The following TTC28 variants were observed in gnomAD, a reference collection of about 807,000 sequenced individuals.
The protein encoded by TTC28 is tetratricopeptide repeat protein 28.
TTC28 carries 61 observed loss-of-function variants against 198.0 expected under a neutral mutation model. That is an observed-to-expected ratio of 0.31 (90% confidence interval 0.25 to 0.38). The LOEUF (loss-of-function observed/expected upper bound fraction) is 0.38, where lower values mean the gene tolerates loss of function less well. Among genes scored for constraint, TTC28 ranks in the 10% least tolerant of loss-of-function variants. TTC28 has a pLI of 1.00. For missense variants in TTC28, 2,678 were observed against 3,164.0 expected, an observed-to-expected ratio of 0.85 and a Z score of 3.69; for synonymous variants, 1,171 against 1,297.8, an observed-to-expected ratio of 0.90 and a Z score of 2.10.
At chr22:28,557,141 C>CA (rs1277346904) in intron 2 of TTC28, among the ~76,000 whole-genome samples, 1 of 152,202 alleles carries the variant, frequency 6.6e-6, no homozygotes, top group African/African-American at 2.4e-5. Context: ...ACAGTATCTT[C>CA]AGGTGTGGGT....
intron 2 of TTC28, chr22:28,629,329 C>T (rs1191674803): frequency 7.8e-6 from 4 of 514,110 alleles, no homozygotes; most frequent in Non-Finnish European, 1.3e-5. Flanking sequence ...AAATCTCACA[C>T]ATACAGGAAA....
chr22:28,654,665 C>T (rs2051616155), intron 1 of TTC28, among the ~76,000 whole-genome samples: 1 of 152,160 alleles, frequency 6.6e-6, no homozygotes, highest in Admixed American at 6.6e-5. Flanking sequence ...CTTTCTTTCC[C>T]TTCCCTCACT....
intron 5 of TTC28, among the ~76,000 whole-genome samples, chr22:28,172,537 T>G (rs1199558168): frequency 6.6e-6 from 1 of 152,210 alleles, no homozygotes; most frequent in East Asian, 1.9e-4. Flanking sequence ...GGTTCTTCAT[T>G]TCTCTAAATG....
chr22:28,299,352 T>G (rs568416783), intron 3 of TTC28, among the ~76,000 whole-genome samples: 1 of 152,314 alleles, frequency 6.6e-6, no homozygotes, highest in Admixed American at 6.5e-5. Flanking sequence ...ATCTAAAGTC[T>G]CCACTAAAAA....
chr22:28,678,700 A>C (rs1033495721), intron 1 of TTC28, among the ~76,000 whole-genome samples: 1 of 151,896 alleles, frequency 6.6e-6, no homozygotes, highest in Non-Finnish European at 1.5e-5. Context: ...CCTATGCTGC[A>C]CTCTCCCTAA....
intron 2 of TTC28, among the ~76,000 whole-genome samples, chr22:28,412,009 C>T (rs2047089114): frequency 2.0e-5 from 3 of 152,184 alleles, no homozygotes; most frequent in African/African-American, 7.2e-5. Flanking sequence ...ATACTATGGT[C>T]ACTAGAAGTA....
intron 2 of TTC28, among the ~76,000 whole-genome samples, chr22:28,374,150 G>A (rs2046376557): frequency 6.6e-6 from 1 of 152,186 alleles, no homozygotes; most frequent in South Asian, 2.1e-4. Flanking sequence ...AGAAAATGCA[G>A]TAAATTTACC....
chr22:28,576,571 C>T (rs1430111699), intron 2 of TTC28, among the ~76,000 whole-genome samples: 1 of 152,074 alleles, frequency 6.6e-6, no homozygotes, highest in Non-Finnish European at 1.5e-5. Context: ...ATTAGTTCTT[C>T]TTTAAATGCT....
chr22:28,670,519 T>C (rs1300203534), intron 1 of TTC28, among the ~76,000 whole-genome samples: 1 of 152,134 alleles, frequency 6.6e-6, no homozygotes, highest in Admixed American at 6.6e-5. Flanking sequence ...TACTTCTTCC[T>C]TTTATGGCAG....
intron 2 of TTC28, among the ~76,000 whole-genome samples, chr22:28,570,823 G>C (rs1159566969): frequency 6.6e-6 from 1 of 152,186 alleles, no homozygotes; most frequent in African/African-American, 2.4e-5. Context: ...TAAAAAAGTT[G>C]AGCCTTGTTG....
At chr22:28,448,494 G>T (rs1260971462) in intron 2 of TTC28, among the ~76,000 whole-genome samples, 3 of 151,982 alleles carry the variant, frequency 2.0e-5, no homozygotes, top group Non-Finnish European at 2.9e-5. Flanking sequence ...TTCAAAATTT[G>T]TTCAAAAATT....
At chr22:28,334,981 GT>G (rs1281421712) in intron 2 of TTC28, among the ~76,000 whole-genome samples, 1 of 152,088 alleles carries the variant, frequency 6.6e-6, no homozygotes, top group Non-Finnish European at 1.5e-5. Flanking sequence ...GGTTTTTATG[GT>G]TTTAGGTCTA....
At chr22:28,080,531 TTTG>T (rs144270652) in intron 12 of TTC28, among the ~76,000 whole-genome samples, 30 of 152,004 alleles carry the variant, frequency 2.0e-4, no homozygotes, top group African/African-American at 5.5e-4. Flanking sequence ...TAAATTGGAT[TTTG>T]TTGTTGTTGT....
intron 2 of TTC28, among the ~76,000 whole-genome samples, chr22:28,451,120 G>T (rs1403227015): frequency 6.6e-6 from 1 of 152,180 alleles, no homozygotes; most frequent in African/African-American, 2.4e-5. Context: ...ACACTAAGTT[G>T]CCAAAATATG....
At chr22:28,016,163 C>T (rs1388477254) in intron 13 of TTC28, among the ~76,000 whole-genome samples, 1 of 152,140 alleles carries the variant, frequency 6.6e-6, no homozygotes, top group African/African-American at 2.4e-5. Flanking sequence ...AGCCCACTCA[C>T]ATCCGCTCCC....
chr22:28,062,660 T>A (rs1288109937), intron 12 of TTC28, among the ~76,000 whole-genome samples: 1 of 152,088 alleles, frequency 6.6e-6, no homozygotes, highest in Admixed American at 6.6e-5. Context: ...TATTGATCTA[T>A]AAGTTCATTG....
intron 5 of TTC28, among the ~76,000 whole-genome samples, chr22:28,172,845 G>T (rs572018379): frequency 6.6e-6 from 1 of 152,278 alleles, no homozygotes; most frequent in Non-Finnish European, 1.5e-5. Flanking sequence ...CAGAGGCCCT[G>T]GCTATGTAAC....
intron 5 of TTC28, among the ~76,000 whole-genome samples, chr22:28,266,604 T>C (rs1931699521): frequency 6.6e-6 from 1 of 152,170 alleles, no homozygotes; most frequent in Non-Finnish European, 1.5e-5. Flanking sequence ...TGTTTCAGGA[T>C]GACAGCCTGG....
At chr22:28,457,843 A>G (rs2047886616) in intron 2 of TTC28, among the ~76,000 whole-genome samples, 1 of 152,158 alleles carries the variant, frequency 6.6e-6, no homozygotes, top group Non-Finnish European at 1.5e-5. Flanking sequence ...ATGTGATTTG[A>G]TATTCTAATT....
Sources: gnomAD v4.1 joint callset for allele counts (sites outside exome capture counted in the v4.1 genomes callset) on GRCh38, gnomAD v4.1.1 for gene constraint, MANE v1.5 for transcripts, NCBI Gene and HGNC (gene_info 2026-07-23, HGNC 2026-07-21) for gene names.